The following SEC14L3 variants were observed in gnomAD, a reference collection of about 807,000 sequenced individuals.
SEC14L3 encodes the protein SEC14 like lipid binding 3.
SEC14L3 carries 56 observed loss-of-function variants against 57.4 expected under a neutral mutation model. The ratio of observed to expected loss-of-function variants is 0.97; its 90% CI spans 0.79 to 1.22. The LOEUF is 1.22. Among genes scored for constraint, SEC14L3 ranks in the 50% most tolerant of loss-of-function variants. The pLI, the probability that SEC14L3 is intolerant of heterozygous loss-of-function variation, is 0.00. For synonymous variants in SEC14L3, 173 were observed against 194.4 expected, an observed-to-expected ratio of 0.89 and a Z score of 0.92; for missense variants, 485 against 511.7, an observed-to-expected ratio of 0.95 and a Z score of 0.50.
In SEC14L3 at chr22:30,471,917, C is replaced by A. The variant is rs1233755276; in HGVS notation, c.42G>T (p.Glu14Asp). The change falls in exon 1 of 12, where the codon GAG (glutamate) becomes GAT (aspartate). Residue 14 changes from glutamate (E) to aspartate (D), a missense_variant. Glu to Asp is a conservative substitution (Grantham distance 45, BLOSUM62 2). Transcript: ENST00000215812. ...RVGDLSPKQA[E>D]TLAKFRENVQ... is the part of the protein sequence containing the mutation. ...GAGGGGCTCTCACCTTGGCCAGGGT[C>A]TCTGCCTGTTTGGGGCTCAGGTCTC... 6.2e-7 allele frequency: 1 copy of A among 1,612,672 alleles called. No homozygotes were observed.
chr22:30,467,708 G>A (rs1935465733), intron 5 of SEC14L3, among the ~76,000 whole-genome samples: 1 of 152,182 alleles, frequency 6.6e-6, no homozygotes, highest in African/African-American at 2.4e-5. Context: ...AGTTGTGGGA[G>A]GTAGGTGTGT....
downstream of SEC14L3, among the ~76,000 whole-genome samples, chr22:30,456,614 T>A (rs1935125085): frequency 6.6e-6 from 1 of 152,002 alleles, no homozygotes; most frequent in Admixed American, 6.5e-5. Context: ...TCATGAAGGA[T>A]CTACCGCCAT....
intron 8 of SEC14L3, 131 bp downstream of exon 8, chr22:30,464,689 C>T: frequency 1.2e-6 from 1 of 823,130 alleles, no homozygotes. Flanking sequence ...CCTCAGCCTC[C>T]CAAAGTGCTG....
intron 9 of SEC14L3, 195 bp from the exon 10 acceptor site, chr22:30,461,889 C>T (rs974562686): frequency 2.1e-6 from 1 of 485,186 alleles, no homozygotes; most frequent in Non-Finnish European, 2.7e-6. Context: ...CAGCTCATCC[C>T]TCTGGGTTAA....
downstream of SEC14L3, among the ~76,000 whole-genome samples, chr22:30,455,120 A>ATATTAAATATTTG: frequency 1.0e-5 from 1 of 96,854 alleles, no homozygotes. Context: ...TTTAATATTT[A>ATATTAAATATTTG]ATATATATTA....
intron 11 of SEC14L3, among the ~76,000 whole-genome samples, chr22:30,460,596 G>C (rs1444845152): frequency 6.6e-6 from 1 of 152,142 alleles, no homozygotes; most frequent in Non-Finnish European, 1.5e-5. Context: ...CATTTTGGGA[G>C]GCCAAGGTGG....
chr22:30,450,162 G>T (rs571635173), intron 12 of SEC14L3, among the ~76,000 whole-genome samples: 1 of 152,324 alleles, frequency 6.6e-6, no homozygotes, highest in South Asian at 2.1e-4. Flanking sequence ...TTCAACATGG[G>T]ATGGCTATGT....
intron 5 of SEC14L3, among the ~76,000 whole-genome samples, chr22:30,467,453 T>C (rs1213447619): frequency 6.6e-6 from 1 of 152,230 alleles, no homozygotes; most frequent in Non-Finnish European, 1.5e-5. Flanking sequence ...CTTTTTTGTG[T>C]GTGCCAGACA....
At chr22:30,451,177 T>C (rs1057335683) in intron 12 of SEC14L3, among the ~76,000 whole-genome samples, 14 of 152,194 alleles carry the variant, frequency 9.2e-5, no homozygotes, top group Non-Finnish European at 4.4e-5. Flanking sequence ...GGCGCTGCTC[T>C]GGGGACCTTT....
In SEC14L3 at chr22:30,467,171, G is replaced by C; in HGVS notation, c.424-94C>G. On this transcript the variant is annotated intron_variant, in intron 5 of 11. Coordinates refer to ENST00000215812, the MANE Select transcript of SEC14L3 (RefSeq NM_174975.5). ...ACATGACCCCTTGGGGCTTCTTCTA[G>C]ACCCCGACTCTGTCCTCAGAGGAAC... 4.5e-6 allele frequency: 7 copies of C among 1,566,120 alleles called. No homozygotes were observed. In the South Asian group the frequency reaches 8.2e-5, roughly 18 times the overall value.
chr22:30,462,340 T>C, intron 8 of SEC14L3, 148 bp from the exon 9 acceptor site: 1 of 1,197,426 alleles, frequency 8.4e-7, no homozygotes, highest in Non-Finnish European at 1.1e-6. Flanking sequence ...GGCCTGGGGC[T>C]ACAGTAAGTG....
downstream of SEC14L3, among the ~76,000 whole-genome samples, chr22:30,455,099 T>TTA (rs1569225617): frequency 3.7e-3 from 169 of 45,330 alleles, 1 homozygote; most frequent in Non-Finnish European, 4.5e-3. Flanking sequence ...TAATATATAA[T>TTA]ATATTTAATA....
chr22:30,467,187 T>C, intron 5 of SEC14L3, 110 bp from the exon 6 acceptor site: 1 of 1,489,312 alleles, frequency 6.7e-7, no homozygotes, highest in East Asian at 2.3e-5. Context: ...GACTCTGTCC[T>C]CAGAGGAACA....
downstream of SEC14L3, among the ~76,000 whole-genome samples, chr22:30,458,305 AG>A (rs1203547582): frequency 2.6e-5 from 4 of 152,204 alleles, no homozygotes; most frequent in Non-Finnish European, 4.4e-5. Flanking sequence ...TGTGCTTCAC[AG>A]ATGCCATGTG....
intron 11 of SEC14L3, among the ~76,000 whole-genome samples, chr22:30,460,478 G>A (rs1285607516): frequency 1.3e-5 from 2 of 152,198 alleles, no homozygotes; most frequent in Non-Finnish European, 2.9e-5. Context: ...AGCCCCCTTG[G>A]ATGAAGTGGG....
intron 4 of SEC14L3, chr22:30,469,051 C>T: frequency 9.2e-7 from 1 of 1,084,034 alleles, no homozygotes; most frequent in Non-Finnish European, 1.2e-6. Context: ...GGCATGGAGG[C>T]TCATGCCTGT....
At chr22:30,468,277 T>C (rs1338022733) in intron 5 of SEC14L3, among the ~76,000 whole-genome samples, 1 of 101,494 alleles carries the variant, frequency 9.9e-6, no homozygotes, top group African/African-American at 5.6e-5. Context: ...AGACTCTGTC[T>C]CAAGCAAAAA....
Position 30,467,209 on chromosome 22 carries a change from C to A in SEC14L3, c.424-132G>T, listed in dbSNP as rs1325781604. The A allele has an allele frequency of 3.3e-6, 4 of 1,208,926 alleles. 1 individual carries two copies. The highest frequency in any genetic ancestry group is 3.2e-5 in the South Asian group (2 of 62,910). The allele number at this position is 1,208,926 out of a possible 1,614,324, so 74.9% of individuals were successfully genotyped here. On this transcript the variant is annotated intron_variant, in intron 5 of 11. Coordinates refer to ENST00000215812, the MANE Select transcript of SEC14L3 (RefSeq NM_174975.5). ...TCCTCAGAGGAACAAGTAGACTAAC[C>A]AGTGAATGCATTTCCCCACTCATCC...
chr22:30,449,973 A>C (rs77143209), intron 12 of SEC14L3, among the ~76,000 whole-genome samples: 1,639 of 151,438 alleles, frequency 0.011, 35 homozygotes, highest in African/African-American at 0.038. Context: ...ACTGGGTGTG[A>C]TAGTCACAGG....
Sources: gnomAD v4.1 joint callset for allele counts (sites outside exome capture counted in the v4.1 genomes callset) on GRCh38, gnomAD v4.1.1 for gene constraint, MANE v1.5 for transcripts, NCBI Gene and HGNC (gene_info 2026-07-23, HGNC 2026-07-21) for gene names.